Variants in RFX8 observed in about 807,000 individuals in gnomAD.
RFX8 encodes the protein regulatory factor X8, also known as DNA-binding protein RFX8.
Under a neutral mutation model 54.6 loss-of-function variants are expected in RFX8, and 46 were observed. The observed-to-expected ratio is 0.84, with a 90% confidence interval of 0.67 to 1.08. The LOEUF (loss-of-function observed/expected upper bound fraction) is 1.08. RFX8 is among the 50% of genes least tolerant of loss of function. RFX8 has a pLI of 0.00. For missense variants in RFX8, 536 were observed against 562.3 expected (o/e 0.95, Z 0.47); for synonymous variants, 192 against 209.5 (o/e 0.92, Z 0.72).
chr2:101,405,796 G>C (rs1685693714), intron 10 of RFX8, 147 bp downstream of exon 10: 1 of 467,422 alleles, frequency 2.1e-6, no homozygotes, highest in African/African-American at 2.0e-5. Flanking sequence ...CTATCGTGTT[G>C]TATGGTTTGC....
chr2:101,408,775 G>A lies in RFX8; in HGVS notation c.813+1844C>T, dbSNP rs2104536549. ...GGAACTGGCTTTCCAGCTCCTTCCT[G>A]AGGATTTTTCTGGTTCATGTCTAGG... On this transcript the variant is annotated intron_variant, in intron 9 of 11. Transcript: ENST00000428343. 2.0e-5 allele frequency among the ~76,000 whole-genome samples: 3 copies of A among 152,340 alleles called. No individual in the cohort carries two copies. In the Middle Eastern group the frequency reaches 0.01, roughly 518 times the overall value.
intron 2 of RFX8, chr2:101,428,926 T>C: frequency 1.1e-5 from 15 of 1,382,156 alleles, no homozygotes; most frequent in Non-Finnish European, 1.5e-5. Context: ...TCTGGGTCTG[T>C]TATAGTAAAT....
At chr2:101,465,795 C>T (rs1490963746) in intron 2 of RFX8, among the ~76,000 whole-genome samples, 1 of 152,122 alleles carries the variant, frequency 6.6e-6, no homozygotes. Context: ...TAAAAGCCAA[C>T]AGTAGCCAAA....
At chr2:101,402,862 G>T in intron 10 of RFX8, 110 bp from the exon 11 acceptor site, 2 of 976,856 alleles carry the variant, frequency 2.0e-6, no homozygotes, top group Non-Finnish European at 3.0e-6. Flanking sequence ...CGTGAGCCTC[G>T]TTCCAATAGC....
chr2:101,409,284 G>A (rs1351417771), intron 9 of RFX8, among the ~76,000 whole-genome samples: 1 of 150,508 alleles, frequency 6.6e-6, no homozygotes, highest in Non-Finnish European at 1.5e-5. Flanking sequence ...GTGCAGTGGT[G>A]TGATCTCAGC....
chr2:101,458,193 G>A (rs996303759), intron 2 of RFX8, among the ~76,000 whole-genome samples: 3 of 152,088 alleles, frequency 2.0e-5, no homozygotes, highest in Non-Finnish European at 4.4e-5. Flanking sequence ...TTTAATGGGG[G>A]CATTTAGTCC....
At chr2:101,421,377 T>C in intron 4 of RFX8, 1 of 1,015,204 alleles carries the variant, frequency 9.9e-7, no homozygotes, top group East Asian at 9.2e-5. Context: ...ATCAATCAAA[T>C]GGCTCTTCGG....
intron 2 of RFX8, among the ~76,000 whole-genome samples, chr2:101,446,597 C>T (rs2148965826): frequency 6.6e-6 from 1 of 152,306 alleles, no homozygotes; most frequent in Admixed American, 6.5e-5. Flanking sequence ...CAGTCCTCCT[C>T]TTCCTCACCG....
intron 2 of RFX8, among the ~76,000 whole-genome samples, chr2:101,433,217 G>A (rs1687591192): frequency 6.6e-6 from 1 of 152,166 alleles, no homozygotes. Flanking sequence ...GGAAGGATTG[G>A]GATTTGGTGA....
intron 6 of RFX8, among the ~76,000 whole-genome samples, chr2:101,416,847 A>G (rs759731151): frequency 6.6e-6 from 1 of 152,184 alleles, no homozygotes; most frequent in Non-Finnish European, 1.5e-5. Flanking sequence ...CCTTGAACAG[A>G]TAAATAGCCT....
intron 6 of RFX8, 69 bp from the exon 7 acceptor site, chr2:101,414,981 G>C: frequency 8.1e-7 from 1 of 1,234,750 alleles, no homozygotes; most frequent in Non-Finnish European, 1.1e-6. Context: ...GTGGGGAAGA[G>C]AAGGTGCATG....
At chr2:101,416,387 A>G (rs1391339686) in intron 6 of RFX8, among the ~76,000 whole-genome samples, 1 of 152,124 alleles carries the variant, frequency 6.6e-6, no homozygotes, top group African/African-American at 2.4e-5. Flanking sequence ...AAAATTTCCA[A>G]GTGGGACAAA....
intron 2 of RFX8, among the ~76,000 whole-genome samples, chr2:101,455,170 T>A (rs924302527): frequency 4.0e-5 from 6 of 151,890 alleles, no homozygotes; most frequent in Non-Finnish European, 8.8e-5. Flanking sequence ...GCCACCACAC[T>A]CAGCTAATTT....
chr2:101,472,732 T>A (rs1690079525), intron 1 of RFX8, among the ~76,000 whole-genome samples: 1 of 152,160 alleles, frequency 6.6e-6, no homozygotes, highest in Admixed American at 6.6e-5. Flanking sequence ...ACAAAGTTTA[T>A]GAAGGCCCAG....
At chr2:101,414,094 A>G (rs1004021118) in intron 7 of RFX8, among the ~76,000 whole-genome samples, 4 of 152,132 alleles carry the variant, frequency 2.6e-5, no homozygotes, top group African/African-American at 9.7e-5. Flanking sequence ...AAATCACCCC[A>G]GGATTGAAAA....
chr2:101,448,638 C>T (rs775956536), intron 2 of RFX8, among the ~76,000 whole-genome samples: 6 of 152,194 alleles, frequency 3.9e-5, no homozygotes, highest in Non-Finnish European at 8.8e-5. Flanking sequence ...ATCTTAGCCT[C>T]CCTCTTCAGC....
chr2:101,423,095 TA>T (rs1486945385), intron 2 of RFX8, among the ~76,000 whole-genome samples: 21 of 152,038 alleles, frequency 1.4e-4, no homozygotes, highest in African/African-American at 5.1e-4. Context: ...CTGTCTCTAC[TA>T]AAAATACAAA....
chr2:101,450,732 T>C (rs1202123939), intron 2 of RFX8: 11 of 945,982 alleles, frequency 1.2e-5, no homozygotes, highest in Non-Finnish European at 1.8e-5. Flanking sequence ...TGACATGCTT[T>C]ATGGAAGGCA....
At chr2:101,467,660 T>G (rs529550171) in intron 1 of RFX8, among the ~76,000 whole-genome samples, 1 of 152,294 alleles carries the variant, frequency 6.6e-6, no homozygotes, top group East Asian at 1.9e-4. Flanking sequence ...CAAATGCTCC[T>G]GGTCTGGAGG....
Sources: allele counts gnomAD v4.1 joint callset (sites outside exome capture counted in the v4.1 genomes callset), GRCh38; gene constraint gnomAD v4.1.1; transcripts MANE v1.5; gene names NCBI Gene and HGNC (gene_info 2026-07-23, HGNC 2026-07-21).